Variants in CTNNA2 observed in about 807,000 individuals in gnomAD.
CTNNA2 encodes the protein catenin alpha-2.
A neutral mutation model predicts 101.0 loss-of-function variants in CTNNA2; 42 were observed. The observed-to-expected ratio is 0.42, with a 90% CI of 0.32 to 0.54. The LOEUF (loss-of-function observed/expected upper bound fraction) is 0.54, where lower values mean the gene tolerates loss of function less well. Ranked by LOEUF, CTNNA2 falls within the 20% of genes least tolerant of loss-of-function variation. The pLI is 0.14. For synonymous variants in CTNNA2, 450 were observed against 456.4 expected (o/e 0.99, Z 0.18); for missense variants, 871 against 1,223.1 (o/e 0.71, Z 4.29).
At chr2:79,894,029 C>T (rs1306423132) in intron 6 of CTNNA2, among the ~76,000 whole-genome samples, 1 of 145,134 alleles carries the variant, frequency 6.9e-6, no homozygotes, top group Non-Finnish European at 1.5e-5. Flanking sequence ...TCTTCTTCTT[C>T]TTCTTCTTCT....
intron 9 of CTNNA2, among the ~76,000 whole-genome samples, chr2:80,506,051 A>T (rs1372366790): frequency 2.0e-5 from 3 of 152,196 alleles, no homozygotes; most frequent in African/African-American, 7.2e-5. Flanking sequence ...TTATTAGCAT[A>T]CACCTGAAAA....
At chr2:80,361,908 T>A (rs1573842212) in intron 7 of CTNNA2, among the ~76,000 whole-genome samples, 1 of 152,188 alleles carries the variant, frequency 6.6e-6, no homozygotes. Context: ...TCACACCTTT[T>A]TAAAAAGCCA....
chr2:80,007,870 A>G (rs1024683077), intron 7 of CTNNA2, among the ~76,000 whole-genome samples: 2 of 152,148 alleles, frequency 1.3e-5, no homozygotes, highest in Non-Finnish European at 2.9e-5. Flanking sequence ...AGGTCAGGCC[A>G]TGGGTTCAAG....
intron 7 of CTNNA2, among the ~76,000 whole-genome samples, chr2:80,235,264 A>G (rs1470085515): frequency 3.9e-5 from 6 of 152,244 alleles, no homozygotes; most frequent in Admixed American, 3.3e-4. Flanking sequence ...AGGGATTTCC[A>G]TAATTAACTC....
intron 15 of CTNNA2, among the ~76,000 whole-genome samples, chr2:80,602,821 C>T (rs976276525): frequency 1.3e-5 from 2 of 151,888 alleles, no homozygotes; most frequent in African/African-American, 4.8e-5. Context: ...AAATGAAATA[C>T]CTTAAGTTGT....
At chr2:79,193,267 C>T (rs11126703) in intron 1 of CTNNA2, among the ~76,000 whole-genome samples, 32,389 of 152,034 alleles carry the variant, frequency 0.21, 4,391 homozygotes, top group African/African-American at 0.39. Context: ...TTTATACAGT[C>T]ACATGCCTCA....
At chr2:80,397,551 T>C (rs1678129398) in intron 8 of CTNNA2, among the ~76,000 whole-genome samples, 1 of 152,156 alleles carries the variant, frequency 6.6e-6, no homozygotes, top group African/African-American at 2.4e-5. Flanking sequence ...CAAGACCTGA[T>C]GGTTTTATAA....
At chr2:79,738,018 C>A (rs990406770) in intron 2 of CTNNA2, among the ~76,000 whole-genome samples, 1 of 152,104 alleles carries the variant, frequency 6.6e-6, no homozygotes, top group Non-Finnish European at 1.5e-5. Flanking sequence ...TACAACATAT[C>A]GCAAGAAAGA....
chr2:79,714,313 C>A (rs2104825133), intron 2 of CTNNA2, among the ~76,000 whole-genome samples: 1 of 151,846 alleles, frequency 6.6e-6, no homozygotes, highest in African/African-American at 2.4e-5. Flanking sequence ...GTTGTTTAAC[C>A]ACAACTTTAA....
At chr2:80,135,503 T>C (rs950413635) in intron 7 of CTNNA2, among the ~76,000 whole-genome samples, 1 of 152,190 alleles carries the variant, frequency 6.6e-6, no homozygotes, top group African/African-American at 2.4e-5. Context: ...CTTACTGAGG[T>C]TGGGCAGATG....
At chr2:79,231,822 T>C (rs1674497057) in intron 2 of CTNNA2, among the ~76,000 whole-genome samples, 1 of 152,064 alleles carries the variant, frequency 6.6e-6, no homozygotes, top group African/African-American at 2.4e-5. Flanking sequence ...TTGTGGTTAT[T>C]ATAAATGAGA....
chr2:79,614,298 TG>T (rs1678479725), intron 1 of CTNNA2, among the ~76,000 whole-genome samples: 1 of 152,162 alleles, frequency 6.6e-6, no homozygotes, highest in Admixed American at 6.6e-5. Flanking sequence ...GAGGTATTTT[TG>T]TGTTTGTGAA....
intron 15 of CTNNA2, among the ~76,000 whole-genome samples, chr2:80,595,452 T>C (rs976967985): frequency 1.3e-5 from 2 of 152,200 alleles, no homozygotes; most frequent in African/African-American, 4.8e-5. Flanking sequence ...CCAATTTGAA[T>C]GCCTTTTAGT....
At chr2:79,302,025 G>A (rs1209314952) in intron 2 of CTNNA2, among the ~76,000 whole-genome samples, 11 of 152,016 alleles carry the variant, frequency 7.2e-5, no homozygotes, top group Admixed American at 2.0e-4. Context: ...CCTGGGAGGC[G>A]GAGGTTGCAG....
chr2:80,573,176 T>G (rs1694752270), intron 12 of CTNNA2: 1 of 152,220 alleles, frequency 6.6e-6, no homozygotes. Flanking sequence ...TTGGCTTTCA[T>G]TTACTATACA....
rs1388040774 is a variant in CTNNA2 at position 79,412,207 on chromosome 2, T to A, written c.-135+38194T>A. The stretch of plus-strand genomic sequence containing the variant: ...CAAGAAGAGCTAACTATCCGAAATA[T>A]ATATGCACCCAATACAGGAGCACCC... On this transcript the variant is annotated intron_variant, in intron 4 of 21. Coordinates refer to the CTNNA2 transcript ENST00000466387. Among the ~76,000 whole-genome samples, 5 of 152,258 alleles carry A rather than the reference T, an allele frequency of 3.3e-5. No homozygotes were observed. In the East Asian group the frequency reaches 9.7e-4, roughly 29 times the overall value.
At chr2:79,472,218 ATGCTAGCAAGACAAGTTCTATGAGAAC>A (rs2104548147) in intron 4 of CTNNA2, among the ~76,000 whole-genome samples, 1 of 152,360 alleles carries the variant, frequency 6.6e-6, no homozygotes, top group South Asian at 2.1e-4. Flanking sequence ...GTAAGTCCAC[ATGCTAGCAAGACAAGTTCTATGAGAAC>A]TGAAGGCTTG....
chr2:79,715,205 CAAAAAAAA>C (rs140432724), intron 2 of CTNNA2, among the ~76,000 whole-genome samples: 12 of 66,334 alleles, frequency 1.8e-4, no homozygotes, highest in African/African-American at 6.6e-4. Context: ...AAAATTCCGT[CAAAAAAAA>C]AAAAAAAAAA....
chr2:80,066,224 T>G (rs1697977169), intron 7 of CTNNA2, among the ~76,000 whole-genome samples: 1 of 152,242 alleles, frequency 6.6e-6, no homozygotes, highest in Non-Finnish European at 1.5e-5. Context: ...CTGGTTTTGC[T>G]TTTGTTGTCT....
Sources: allele counts gnomAD v4.1 joint callset (sites outside exome capture counted in the v4.1 genomes callset), GRCh38; gene constraint gnomAD v4.1.1; transcripts MANE v1.5; gene names NCBI Gene and HGNC (gene_info 2026-07-23, HGNC 2026-07-21).